Variants in CCDC190 observed in about 807,000 individuals in gnomAD.
The protein encoded by CCDC190 is coiled-coil domain-containing protein 190.
A neutral mutation model predicts 13.1 loss-of-function variants in CCDC190; 10 were observed. The observed-to-expected ratio is 0.77, with a 90% CI of 0.47 to 1.30. CCDC190 has a LOEUF of 1.30. CCDC190 is among the 50% of genes most tolerant of loss of function. The pLI is 0.00. For missense variants in CCDC190, 375 were observed against 354.3 expected (o/e 1.06, Z -0.47); for synonymous variants, 136 against 127.2 (o/e 1.07, Z -0.47).
At chr1:162,859,146 A>G (rs796681676) in intron 2 of CCDC190, among the ~76,000 whole-genome samples, 2 of 152,372 alleles carry the variant, frequency 1.3e-5, no homozygotes, top group African/African-American at 4.8e-5. Flanking sequence ...ATAATGAAAG[A>G]AAAGCAAAAT....
At chr1:162,863,943 C>T (rs1302145848), upstream of CCDC190, among the ~76,000 whole-genome samples, 11 of 149,744 alleles carry the variant, frequency 7.3e-5, no homozygotes, top group Non-Finnish European at 1.5e-4. Context: ...CATTTGAACC[C>T]GGGAGGTGGA....
intron 2 of CCDC190, 98 bp from the exon 3 acceptor site, chr1:162,855,853 T>C: frequency 1.8e-6 from 2 of 1,086,476 alleles, no homozygotes; most frequent in Middle Eastern, 4.3e-4. Context: ...TGGGACCTTA[T>C]TTGGAGATAA....
Position 162,854,391 on chromosome 1 carries a change from C to T in CCDC190, c.*374G>A. On this transcript the variant is annotated 3_prime_UTR_variant, in exon 4 of 4. Coordinates refer to ENST00000367912, the MANE Select transcript of CCDC190 (RefSeq NM_001394065.1). ...ACCACTACTATATATCAAACTAAAA[C>T]AGAGAGAATAGCTATGCCGTTTTGC... 1 of 1,028,310 alleles carries T rather than the reference C, an allele frequency of 9.7e-7. No individual in the cohort carries two copies. Among genetic ancestry groups the T allele is most frequent in the African/African-American group, 1.7e-5 (1 of 58,520 alleles). The allele number at this position is 1,028,310 out of a possible 1,614,324, so 63.7% of individuals were successfully genotyped here. A position where few individuals can be genotyped will look rare whatever the true frequency, so the allele number is the denominator to read the frequency against.
chr1:162,868,117 T>C (rs1195905275), intron 1 of CCDC190, among the ~76,000 whole-genome samples: 2 of 152,158 alleles, frequency 1.3e-5, no homozygotes, highest in African/African-American at 4.8e-5. Flanking sequence ...AAGAAAGTAA[T>C]TTTCAGGCAA....
chr1:162,862,126 A>G (rs956990058), upstream of CCDC190, among the ~76,000 whole-genome samples: 8 of 152,132 alleles, frequency 5.3e-5, no homozygotes, highest in Non-Finnish European at 7.3e-5. Context: ...ACACAAGGAG[A>G]GACCAGGATC....
Position 162,852,847 on chromosome 1 carries a change from C to A in CCDC190, c.*1918G>T. ...ACCCACTTAGCAGTGACAAACCATT[C>A]ACTCAGGACTCAGCCTTGAGGGAGA... On this transcript the variant is annotated 3_prime_UTR_variant, in exon 4 of 4. Coordinates refer to ENST00000367912, the MANE Select transcript of CCDC190 (RefSeq NM_001394065.1). 1 of 444,406 alleles carries A rather than the reference C, an allele frequency of 2.3e-6. No homozygotes were observed. Among genetic ancestry groups the A allele is most frequent in the Non-Finnish European group, 4.1e-6 (1 of 245,230 alleles). The allele number at this position is 444,406 out of a possible 1,614,324, so 27.5% of individuals were successfully genotyped here. A position where few individuals can be genotyped will look rare whatever the true frequency, so the allele number is the denominator to read the frequency against.
At chr1:162,860,562 ATT>A (rs554309165) in intron 1 of CCDC190, among the ~76,000 whole-genome samples, 8 of 144,950 alleles carry the variant, frequency 5.5e-5, no homozygotes, top group Admixed American at 4.1e-4. Context: ...AGGTTTGGTG[ATT>A]TTTTTTTTTT....
intron 2 of CCDC190, among the ~76,000 whole-genome samples, chr1:162,858,635 A>G (rs576858478): frequency 6.6e-6 from 1 of 152,310 alleles, no homozygotes; most frequent in East Asian, 1.9e-4. Context: ...TGTCCATTTC[A>G]GACTCCTGAG....
chr1:162,861,554 T>G (rs558024895), upstream of CCDC190, among the ~76,000 whole-genome samples: 1 of 152,276 alleles, frequency 6.6e-6, no homozygotes, highest in African/African-American at 2.4e-5. Context: ...TGTTCACACT[T>G]CGTGCAGGAG....
At chr1:162,859,736 A>G in intron 1 of CCDC190, 78 bp from the exon 2 acceptor site, 1 of 1,204,634 alleles carries the variant, frequency 8.3e-7, no homozygotes, top group Non-Finnish European at 1.2e-6. Flanking sequence ...ATCAGAGATC[A>G]GTGGTAGAAC....
rs1467543075 is a variant in CCDC190 at position 162,854,172 on chromosome 1, T to G, written c.*593A>C. 4 of 942,284 alleles carry G rather than the reference T, an allele frequency of 4.2e-6. No individual in the cohort carries two copies. Among genetic ancestry groups the G allele is most frequent in the Non-Finnish European group, 5.1e-6 (4 of 790,822 alleles). 58.4% of individuals were successfully genotyped at this position (942,284 alleles called of 1,614,324 possible). A position where few individuals can be genotyped will look rare whatever the true frequency, so the allele number is the denominator to read the frequency against. On this transcript the variant is annotated 3_prime_UTR_variant, in exon 4 of 4. Coordinates refer to ENST00000367912, the MANE Select transcript of CCDC190 (RefSeq NM_001394065.1). ...ATATGAGAGGGAAAAGATTGTCCAT[T>G]ATTCTTTCAATAGGATTCAAAAAAT... is the stretch of plus-strand genomic sequence containing the variant.
chr1:162,854,892 T>A lies in CCDC190; in HGVS notation c.779A>T (p.His260Leu), dbSNP rs374875454. 2 of 1,614,064 alleles carry A rather than the reference T, an allele frequency of 1.2e-6. No homozygotes were observed. The highest frequency in any genetic ancestry group is 1.7e-6 in the Non-Finnish European group (2 of 1,179,904). ...CCTCTCAGACTCAGGGGGGACCCTG[T>A]GCCGGAGATAATGGGCATTTCTGGC... is the stretch of plus-strand genomic sequence containing the variant. The part of the protein sequence containing the change: ...SKARNAHYLR[H>L]RVPPESERLL... The change falls in exon 4 of 4, where the codon CAC (histidine) becomes CTC (leucine). Residue 260 changes from histidine (H) to leucine (L), a missense_variant. Coordinates refer to ENST00000367912, the MANE Select transcript of CCDC190 (RefSeq NM_001394065.1).
At chr1:162,868,485 C>G (rs1208426138) in intron 1 of CCDC190, among the ~76,000 whole-genome samples, 1 of 152,174 alleles carries the variant, frequency 6.6e-6, no homozygotes, top group East Asian at 1.9e-4. Flanking sequence ...TCAACAATCC[C>G]AAAAGGACCC....
In CCDC190 at chr1:162,853,239, A is replaced by G. The variant is rs1041839819; in HGVS notation, c.*1526T>C. The G allele has an allele frequency of 8.6e-7, 1 of 1,165,714 alleles. No individual in the cohort carries two copies. Among genetic ancestry groups the G allele is most frequent in the African/African-American group, 1.6e-5 (1 of 64,398 alleles). The allele number at this position is 1,165,714 out of a possible 1,614,324, so 72.2% of individuals were successfully genotyped here. The stretch of plus-strand genomic sequence containing the variant: ...TGGTAGTGTGGTGTAATGAAAGAGC[A>G]TGAGCAAGGAAATTGAGTAGAAGAG... On this transcript the variant is annotated 3_prime_UTR_variant, in exon 4 of 4. Coordinates refer to ENST00000367912, the MANE Select transcript of CCDC190 (RefSeq NM_001394065.1).
Position 162,853,129 on chromosome 1 carries a change from G to A in CCDC190, c.*1636C>T. The A allele has an allele frequency of 6.4e-7, 1 of 1,550,388 alleles. No homozygotes were observed. The highest frequency in any genetic ancestry group is 8.7e-7 in the Non-Finnish European group (1 of 1,146,672). On this transcript the variant is annotated 3_prime_UTR_variant, in exon 4 of 4. Coordinates refer to ENST00000367912, the MANE Select transcript of CCDC190 (RefSeq NM_001394065.1). ...TTTCTTGTGTTCCTTTCACTATAAAGTATTGTCTCCCCATTGAAGGCCAGA... is the reference window on the plus strand; with the variant it reads ...TTTCTTGTGTTCCTTTCACTATAAAATATTGTCTCCCCATTGAAGGCCAGA...
At chr1:162,857,623 C>T (rs912901211) in intron 2 of CCDC190, among the ~76,000 whole-genome samples, 1 of 152,186 alleles carries the variant, frequency 6.6e-6, no homozygotes, top group Non-Finnish European at 1.5e-5. Flanking sequence ...ACTTCCCGCC[C>T]TTTCCCCCAT....
upstream of CCDC190, among the ~76,000 whole-genome samples, chr1:162,861,924 C>T (rs1650535906): frequency 6.6e-6 from 1 of 152,074 alleles, no homozygotes. Flanking sequence ...CCCTACTAAC[C>T]ACAATCACTG....
chr1:162,855,848 C>T (rs1236956167), intron 2 of CCDC190, 93 bp from the exon 3 acceptor site: 4 of 1,161,044 alleles, frequency 3.4e-6, no homozygotes. Flanking sequence ...TAGGGTGGGA[C>T]CTTATTTGGA....
chr1:162,854,840 C>A lies in CCDC190; in HGVS notation c.831G>T (p.Gly277=). ...ERLLSIGEIF[G]HGESSSSRAG... is the part of the protein sequence containing the mutation. ...CCCTGGATGATGAGGATTCCCCATG[C>A]CCAAATATCTCTCCAATGCTAAGCA... The change falls in exon 4 of 4, where the codon GGG becomes GGT. Residue 277 remains glycine (G), a synonymous_variant. Coordinates refer to ENST00000367912, the MANE Select transcript of CCDC190 (RefSeq NM_001394065.1). The A allele has an allele frequency of 6.2e-7, 1 of 1,613,966 alleles. No individual in the cohort carries two copies.
Sources: allele counts gnomAD v4.1 joint callset (sites outside exome capture counted in the v4.1 genomes callset), GRCh38; gene constraint gnomAD v4.1.1; transcripts MANE v1.5; gene names NCBI Gene and HGNC (gene_info 2026-07-23, HGNC 2026-07-21).